The following DGLUCY variants were observed in gnomAD, a reference collection of about 807,000 sequenced individuals.
DGLUCY encodes D-glutamate cyclase, mitochondrial.
Under a neutral mutation model 58.5 loss-of-function variants are expected in DGLUCY, and 58 were observed. That is an observed-to-expected ratio of 0.99 (90% CI 0.80 to 1.23). DGLUCY has a LOEUF of 1.23. Ranked by LOEUF, DGLUCY falls within the 50% of genes most tolerant of loss-of-function variation. The pLI is 0.00. For missense variants in DGLUCY, 779 were observed against 784.7 expected (o/e 0.99, Z 0.09); for synonymous variants, 325 against 314.1 (o/e 1.03, Z -0.37).
chr14:91,187,308 C>CT (rs2049583925), intron 8 of DGLUCY, among the ~76,000 whole-genome samples: 1 of 152,188 alleles, frequency 6.6e-6, no homozygotes, highest in Admixed American at 6.5e-5. Context: ...AACCCCGTGT[C>CT]TTTCATATTC....
intron 7 of DGLUCY, among the ~76,000 whole-genome samples, chr14:91,176,685 C>T (rs375718737): frequency 1.3e-5 from 2 of 152,274 alleles, no homozygotes; most frequent in African/African-American, 4.8e-5. Flanking sequence ...CTGCAAGCTC[C>T]GCCTCCTGGG....
chr14:91,123,189 C>G (rs116655244), intron 1 of DGLUCY, among the ~76,000 whole-genome samples: 2,382 of 152,210 alleles, frequency 0.016, 77 homozygotes, highest in African/African-American at 0.055. Flanking sequence ...AGGAGTCAAT[C>G]CATTTTTATA....
chr14:91,215,467 G>A lies in DGLUCY; in HGVS notation c.1627G>A (p.Val543Ile). 2 of 1,614,236 alleles carry A rather than the reference G, an allele frequency of 1.2e-6. No individual in the cohort carries two copies. The highest frequency in any genetic ancestry group is 8.5e-7 in the Non-Finnish European group (1 of 1,180,044). The change falls in exon 13 of 14, where the codon GTC becomes ATC. Residue 543 changes from valine (V) to isoleucine (I), a missense_variant. Transcript: ENST00000256324. ...ACTCTACATCCTGTACTCATGTGCTGTCCACAGTCAGTACCTGAGGAAAGC... is the reference window on the plus strand; with the variant it reads ...ACTCTACATCCTGTACTCATGTGCTATCCACAGTCAGTACCTGAGGAAAGC... ...CALYILYSCA[V>I]HSQYLRKAVG...
chr14:91,205,933 G>A (rs891851906), intron 12 of DGLUCY, among the ~76,000 whole-genome samples: 4 of 132,734 alleles, frequency 3.0e-5, no homozygotes, highest in African/African-American at 8.5e-5. Flanking sequence ...TCCGCCTCCC[G>A]GGTTAAAGCG....
intron 1 of DGLUCY, among the ~76,000 whole-genome samples, chr14:91,066,740 G>A (rs1279459097): frequency 1.3e-5 from 2 of 152,204 alleles, no homozygotes; most frequent in Admixed American, 1.3e-4. Flanking sequence ...GCTAGATACA[G>A]TTGTCTGCTG....
At chr14:91,140,263 A>G (rs1283809697) in intron 1 of DGLUCY, among the ~76,000 whole-genome samples, 1 of 152,190 alleles carries the variant, frequency 6.6e-6, no homozygotes, top group Admixed American at 6.5e-5. Context: ...TTCTTAGCTC[A>G]CAAACCTTAC....
chr14:91,113,131 C>G (rs999866600), upstream of DGLUCY, among the ~76,000 whole-genome samples: 2 of 151,788 alleles, frequency 1.3e-5, no homozygotes, highest in African/African-American at 4.8e-5. Flanking sequence ...GAAACCCCAT[C>G]TCTACTAAAA....
intron 8 of DGLUCY, among the ~76,000 whole-genome samples, chr14:91,183,975 AGAG>A (rs1470499684): frequency 6.6e-6 from 1 of 151,994 alleles, no homozygotes; most frequent in East Asian, 1.9e-4. Flanking sequence ...GAATGACTGG[AGAG>A]GAGAAGGCAT....
chr14:91,112,478 G>A (rs2044721654), upstream of DGLUCY, among the ~76,000 whole-genome samples: 1 of 152,156 alleles, frequency 6.6e-6, no homozygotes, highest in Admixed American at 6.6e-5. Context: ...CCTTCGCAGA[G>A]CGTTGCCTGA....
intron 12 of DGLUCY, among the ~76,000 whole-genome samples, chr14:91,206,538 A>G (rs564136532): frequency 2.7e-4 from 41 of 152,066 alleles, no homozygotes; most frequent in Non-Finnish European, 1.6e-4. Context: ...GCGCACTACC[A>G]TGCCTGGATA....
At chr14:91,214,419 G>A (rs1359865561) in intron 12 of DGLUCY, among the ~76,000 whole-genome samples, 1 of 152,220 alleles carries the variant, frequency 6.6e-6, no homozygotes, top group Non-Finnish European at 1.5e-5. Context: ...GATGGAAAAG[G>A]AAGGGAAGTC....
chr14:91,086,335 T>A (rs2044219415), intron 1 of DGLUCY, among the ~76,000 whole-genome samples: 1 of 152,174 alleles, frequency 6.6e-6, no homozygotes, highest in Non-Finnish European at 1.5e-5. Flanking sequence ...CCCTGCCTGG[T>A]CCATGGAAAA....
At chr14:91,173,524 C>G in intron 6 of DGLUCY, 85 bp downstream of exon 6, 1 of 1,449,168 alleles carries the variant, frequency 6.9e-7, no homozygotes, top group Non-Finnish European at 9.1e-7. Flanking sequence ...CCATGATCCC[C>G]CTGTTCACAT....
Position 91,071,303 on chromosome 14 carries a change from C to G in DGLUCY, c.-82+10599C>G, listed in dbSNP as rs1457225071. 2.1e-5 allele frequency among the ~76,000 whole-genome samples: 3 copies of G among 145,576 alleles called. No homozygotes were observed. The Admixed American group carries it at 2.1e-4, about 10-fold the overall frequency. On this transcript the variant is annotated intron_variant, in intron 1 of 4. Coordinates refer to the DGLUCY transcript ENST00000521334. Reference sequence around the variant, plus strand: ...AGTAAGCTGAGATTGCACCACTGCACTCCATCCTGGGCAACAGAGCGAGAT... The same window carrying G: ...AGTAAGCTGAGATTGCACCACTGCAGTCCATCCTGGGCAACAGAGCGAGAT...
At chr14:91,078,443 C>T (rs112798839) in intron 1 of DGLUCY, among the ~76,000 whole-genome samples, 92 of 152,272 alleles carry the variant, frequency 6.0e-4, no homozygotes, top group Middle Eastern at 6.8e-3. Flanking sequence ...TTAGAAGCTA[C>T]TATTTGATGG....
chr14:91,205,366 C>T (rs1478510919), intron 12 of DGLUCY, among the ~76,000 whole-genome samples: 7 of 152,164 alleles, frequency 4.6e-5, no homozygotes, highest in Admixed American at 3.9e-4. Flanking sequence ...GCTCCTCTCC[C>T]GCAGGACCCA....
intron 1 of DGLUCY, among the ~76,000 whole-genome samples, chr14:91,131,282 G>GA (rs1304497339): frequency 8.5e-5 from 13 of 152,162 alleles, no homozygotes; most frequent in Middle Eastern, 3.2e-3. Flanking sequence ...TGCAGTTTGG[G>GA]AATGCTTTTG....
chr14:91,178,671 C>G (rs983346572), intron 7 of DGLUCY, among the ~76,000 whole-genome samples: 6 of 152,166 alleles, frequency 3.9e-5, no homozygotes, highest in African/African-American at 1.4e-4. Context: ...CCTTACACAT[C>G]AAATCTAAAA....
At chr14:91,092,227 C>T (rs907675034) in intron 1 of DGLUCY, among the ~76,000 whole-genome samples, 2 of 152,198 alleles carry the variant, frequency 1.3e-5, no homozygotes, top group African/African-American at 4.8e-5. Context: ...TACTGGCCTA[C>T]GGCTGCTCTT....
Sources: gnomAD v4.1 joint callset for allele counts (sites outside exome capture counted in the v4.1 genomes callset) on GRCh38, gnomAD v4.1.1 for gene constraint, MANE v1.5 for transcripts, NCBI Gene and HGNC (gene_info 2026-07-23, HGNC 2026-07-21) for gene names.